PREP: variants seen among roughly 807,000 people sequenced by gnomAD.
The protein encoded by PREP is prolyl endopeptidase, also known as dJ355L5.1 (prolyl endopeptidase).
Under a neutral mutation model 87.6 loss-of-function variants are expected in PREP, and 29 were observed. That is an observed-to-expected ratio of 0.33 (90% confidence interval 0.25 to 0.45). PREP has a LOEUF of 0.45. Ranked by LOEUF, PREP falls within the 20% of genes least tolerant of loss-of-function variation. The pLI is 1.00. For missense variants in PREP, 695 were observed against 886.5 expected (o/e 0.78, Z 2.74); for synonymous variants, 337 against 328.6 (o/e 1.03, Z -0.28).
chr6:105,365,236 G>A (rs1217917022), intron 6 of PREP, among the ~76,000 whole-genome samples: 5 of 152,180 alleles, frequency 3.3e-5, no homozygotes, highest in Non-Finnish European at 7.3e-5. Flanking sequence ...GACAGAGTGG[G>A]ATTCCATTTA....
chr6:105,338,922 A>C (rs577509599), intron 7 of PREP, among the ~76,000 whole-genome samples: 3 of 152,228 alleles, frequency 2.0e-5, no homozygotes, highest in Non-Finnish European at 4.4e-5. Context: ...ACCACAGCTC[A>C]AGGAGGCCTG....
At chr6:105,339,490 A>C (rs180956288) in intron 7 of PREP, among the ~76,000 whole-genome samples, 13 of 152,376 alleles carry the variant, frequency 8.5e-5, no homozygotes, top group African/African-American at 2.9e-4. Context: ...CTCCAAAGGT[A>C]CACAGCTCCT....
chr6:105,332,139 A>C (rs1771351792), intron 8 of PREP, among the ~76,000 whole-genome samples: 1 of 152,150 alleles, frequency 6.6e-6, no homozygotes. Context: ...AGGGTTGAAG[A>C]GTGCAGTCAG....
At chr6:105,287,186 AAC>A (rs980642567) in intron 11 of PREP, among the ~76,000 whole-genome samples, 18 of 152,056 alleles carry the variant, frequency 1.2e-4, no homozygotes, top group African/African-American at 4.3e-4. Flanking sequence ...ATGTAATATT[AAC>A]ACATAGATAC....
rs1175115232 is a variant in PREP at position 105,275,306 on chromosome 6, C to A, written c.*2838G>T. Among the ~76,000 whole-genome samples the A allele has an allele frequency of 6.6e-6, 1 of 152,220 alleles. No individual in the cohort carries two copies. The highest frequency in any genetic ancestry group is 2.4e-5 in the African/African-American group (1 of 41,460). On this transcript the variant is annotated 3_prime_UTR_variant, in exon 15 of 15. Transcript: ENST00000652536. ...TTAGTTGAAACTTATCCTTTTCAAACTTGTAGCACCATGTGTGTGTAGCTG... is the reference window on the plus strand; with the variant it reads ...TTAGTTGAAACTTATCCTTTTCAAAATTGTAGCACCATGTGTGTGTAGCTG...
chr6:105,277,064 T>C lies in PREP; in HGVS notation c.*1080A>G, dbSNP rs1360663615. Among the ~76,000 whole-genome samples the C allele has an allele frequency of 6.6e-6, 1 of 152,116 alleles. No individual in the cohort carries two copies. The highest frequency in any genetic ancestry group is 1.5e-5 in the Non-Finnish European group (1 of 68,026). On this transcript the variant is annotated 3_prime_UTR_variant, in exon 15 of 15. Coordinates refer to ENST00000652536, the MANE Select transcript of PREP (RefSeq NM_002726.5). ...AACTGATACTCAAAGGAACATTGTT[T>C]CATGAAATGTTAAAATATATGCCTT... is the stretch of plus-strand genomic sequence containing the variant.
At chr6:105,355,496 A>C (rs1294245317) in intron 6 of PREP, among the ~76,000 whole-genome samples, 1 of 152,124 alleles carries the variant, frequency 6.6e-6, no homozygotes, top group Non-Finnish European at 1.5e-5. Flanking sequence ...CCCTATATGC[A>C]ATATGTGTTT....
Position 105,273,335 on chromosome 6 carries a change from C to T in PREP, c.*4809G>A, listed in dbSNP as rs963596744. 6.6e-6 allele frequency: 1 copy of T among 152,106 alleles called. No homozygotes were observed. Among genetic ancestry groups the T allele is most frequent in the African/African-American group, 2.4e-5 (1 of 41,414 alleles). 9.4% of individuals were successfully genotyped at this position (152,106 alleles called of 1,614,324 possible). On this transcript the variant is annotated 3_prime_UTR_variant, in exon 15 of 15. Coordinates refer to ENST00000652536, the MANE Select transcript of PREP (RefSeq NM_002726.5). ...TTCAATGACTTTTTAATACATTTAC[C>T]AGGTTGTGCAACCGTTACTGAAATC...
intron 12 of PREP, among the ~76,000 whole-genome samples, chr6:105,283,497 C>A (rs561146933): frequency 1.8e-4 from 27 of 152,236 alleles, no homozygotes; most frequent in South Asian, 8.3e-4. Context: ...AGCAGTCCTA[C>A]TGAAATGTTT....
rs185374944 is a variant in PREP, at chr6:105,317,481, C to T, written c.1317+6184G>A. Among the ~76,000 whole-genome samples the T allele has an allele frequency of 7.9e-5, 12 of 152,244 alleles. No homozygotes were observed. The East Asian group carries it at 1.5e-3, about 20-fold the overall frequency. On this transcript the variant is annotated intron_variant, in intron 10 of 14. Transcript: ENST00000652536. ...GCTCCATTAGATGAACTCTAATGTA[C>T]GTGCAATTGGAAGGCATATAACTTG...
At chr6:105,401,439 C>T (rs1267622561) in intron 1 of PREP, among the ~76,000 whole-genome samples, 2 of 152,144 alleles carry the variant, frequency 1.3e-5, no homozygotes, top group African/African-American at 2.4e-5. Context: ...GCAAGTAAGC[C>T]CTATGGTCAG....
intron 9 of PREP, among the ~76,000 whole-genome samples, chr6:105,328,417 C>T (rs1288959229): frequency 6.6e-6 from 1 of 152,058 alleles, no homozygotes; most frequent in Non-Finnish European, 1.5e-5. Flanking sequence ...GCCACCATGC[C>T]CAGCTAATTT....
At chr6:105,302,876 T>C (rs752765111) in intron 10 of PREP, 12 of 307,226 alleles carry the variant, frequency 3.9e-5, no homozygotes, top group Admixed American at 9.0e-5. Context: ...ACTCTCTTTT[T>C]GACCCTCAAA....
intron 5 of PREP, among the ~76,000 whole-genome samples, chr6:105,369,980 G>A (rs1772492887): frequency 1.3e-5 from 2 of 152,110 alleles, no homozygotes; most frequent in Non-Finnish European, 2.9e-5. Context: ...GGTCGGGCGT[G>A]GTGGCTCACA....
At position 105,278,784 on chromosome 6, in the gene PREP, A is replaced by G. The variant is rs551719239; in HGVS notation, c.1839-346T>C. On this transcript the variant is annotated intron_variant, in intron 14 of 14. Coordinates refer to ENST00000652536, the MANE Select transcript of PREP (RefSeq NM_002726.5). The surrounding 1 kb of genome is among the most constrained non-coding windows in gnomAD (Gnocchi z 4.2). ...GCTACAAAGTGGAGTAATAATTGTC[A>G]TTATAACCACACTCAGTGGTTCAAA... Among the ~76,000 whole-genome samples the G allele has an allele frequency of 6.6e-6, 1 of 152,198 alleles. No homozygotes were observed. Among genetic ancestry groups the G allele is most frequent in the Admixed American group, 6.5e-5 (1 of 15,310 alleles).
At chr6:105,367,263 G>C (rs1772409359) in intron 6 of PREP, among the ~76,000 whole-genome samples, 1 of 152,148 alleles carries the variant, frequency 6.6e-6, no homozygotes. Context: ...CCTTATGTAT[G>C]AGGAGAAGAT....
At position 105,276,987 on chromosome 6, in the gene PREP, T is replaced by C. The variant is rs1769947029; in HGVS notation, c.*1157A>G. On this transcript the variant is annotated 3_prime_UTR_variant, in exon 15 of 15. Coordinates refer to ENST00000652536, the MANE Select transcript of PREP (RefSeq NM_002726.5). ...TAATAATTTTTATCATATCATCTGA[T>C]AAAGCAAGACAAAGGAAAAAAAACT... Among the ~76,000 whole-genome samples, 1 of 152,044 alleles carries C rather than the reference T, an allele frequency of 6.6e-6. No homozygotes were observed. The highest frequency in any genetic ancestry group is 2.1e-4 in the South Asian group (1 of 4,830).
At chr6:105,401,998 G>A (rs1297280215) in intron 1 of PREP, among the ~76,000 whole-genome samples, 1 of 152,138 alleles carries the variant, frequency 6.6e-6, no homozygotes, top group Non-Finnish European at 1.5e-5. Context: ...CAGTTCCTAA[G>A]TCGTCAAATT....
rs188407972 is a variant in PREP, at chr6:105,308,035, C to T, written c.1317+15630G>A. On this transcript the variant is annotated intron_variant, in intron 10 of 14. Coordinates refer to ENST00000652536, the MANE Select transcript of PREP (RefSeq NM_002726.5). ...CATCCTTTGGTCTCTTTATGGGGCA[C>T]GGTGACTTCTGGGGCCTCACTTAGA... Among the ~76,000 whole-genome samples the T allele has an allele frequency of 7.2e-5, 11 of 152,162 alleles. No individual in the cohort carries two copies. In the East Asian group the frequency reaches 1.4e-3, roughly 19 times the overall value.
Sources: gnomAD v4.1 joint callset for allele counts (sites outside exome capture counted in the v4.1 genomes callset) on GRCh38, gnomAD v4.1.1 for gene constraint, Gnocchi (gnomAD v3.1) non-coding constraint, MANE v1.5 for transcripts, NCBI Gene and HGNC (gene_info 2026-07-23, HGNC 2026-07-21) for gene names.